Variants in DOCK1 observed in about 807,000 individuals in gnomAD.
DOCK1 encodes the protein dedicator of cytokinesis protein 1.
In DOCK1, 138 loss-of-function variants were observed where a neutral mutation model predicts 262.7. That is an observed-to-expected ratio of 0.53 (90% CI 0.46 to 0.61). DOCK1 has a LOEUF of 0.61. Among genes scored for constraint, DOCK1 ranks in the 20% least tolerant of loss-of-function variants. The pLI is 0.00. For missense variants in DOCK1, 1,908 were observed against 2,370.7 expected (o/e 0.80, Z 4.05); for synonymous variants, 866 against 867.4 (o/e 1.00, Z 0.03).
chr10:127,154,019 A>C (rs1215386024), intron 27 of DOCK1: 5 of 829,170 alleles, frequency 6.0e-6, no homozygotes, highest in Non-Finnish European at 1.0e-5. Flanking sequence ...CCCAATGCCA[A>C]GCTCATCATG....
At chr10:127,316,188 A>G (rs1209761896) in intron 29 of DOCK1, among the ~76,000 whole-genome samples, 1 of 152,132 alleles carries the variant, frequency 6.6e-6, no homozygotes, top group East Asian at 1.9e-4. Context: ...AAATTTACTC[A>G]CGTAGCAAAT....
chr10:126,928,239 C>T (rs1310319225), intron 1 of DOCK1, among the ~76,000 whole-genome samples: 2 of 152,180 alleles, frequency 1.3e-5, no homozygotes, highest in Admixed American at 6.5e-5. Flanking sequence ...AGCATGAGCT[C>T]GTGGGACCCA....
chr10:127,404,439 G>A lies in DOCK1; in HGVS notation c.4122+10G>A. 1 of 1,610,456 alleles carries A rather than the reference G, an allele frequency of 6.2e-7. No homozygotes were observed. The highest frequency in any genetic ancestry group is 2.2e-5 in the East Asian group (1 of 44,818). ...CCCCACATTCCTGCGGGTAAAGTTT[G>A]GTTCTGCCTAATCTGAGCCATGATT... On this transcript the variant is annotated intron_variant, in intron 40 of 51. Coordinates refer to ENST00000623213, the MANE Select transcript of DOCK1 (RefSeq NM_001290223.2).
At chr10:127,199,804 G>T (rs1426547475) in intron 27 of DOCK1, among the ~76,000 whole-genome samples, 3 of 152,192 alleles carry the variant, frequency 2.0e-5, no homozygotes, top group Non-Finnish European at 4.4e-5. Context: ...TCCTGTCTCA[G>T]TGTGACCTCA....
rs546225389 is a variant in DOCK1, at chr10:127,380,211, G to A, written c.3716+89G>A. 120 of 1,058,342 alleles carry A rather than the reference G, an allele frequency of 1.1e-4. No homozygotes were observed. In the African/African-American group the frequency reaches 1.6e-3, roughly 14 times the overall value. The allele number at this position is 1,058,342 out of a possible 1,614,324, so 65.6% of individuals were successfully genotyped here. A position where few individuals can be genotyped will look rare whatever the true frequency, so the allele number is the denominator to read the frequency against. ...GTATGCTAAGAAATGTGTTATAGCC[G>A]CAAAGGTTTATTTTGTAGAAAATTG... On this transcript the variant is annotated intron_variant, in intron 36 of 51. Transcript: ENST00000623213.
chr10:127,409,923 T>A (rs990146677), intron 42 of DOCK1, among the ~76,000 whole-genome samples: 1 of 152,184 alleles, frequency 6.6e-6, no homozygotes, highest in Non-Finnish European at 1.5e-5. Flanking sequence ...GAGTCAACTG[T>A]CCATATTTGA....
intron 25 of DOCK1, among the ~76,000 whole-genome samples, chr10:127,115,321 T>C (rs765410531): frequency 1.3e-5 from 2 of 152,170 alleles, no homozygotes; most frequent in Non-Finnish European, 2.9e-5. Flanking sequence ...GGGCAGTGTG[T>C]GTGAGAGTCA....
At chr10:127,260,493 C>G (rs1284695989) in intron 29 of DOCK1, among the ~76,000 whole-genome samples, 1 of 152,202 alleles carries the variant, frequency 6.6e-6, no homozygotes, top group Non-Finnish European at 1.5e-5. Flanking sequence ...ACCTTCTAAT[C>G]AAGGATTCCA....
rs189445897 is a variant in DOCK1, at chr10:127,008,872, C to T, written c.1058+68C>T. ...GAAAACATAGGCTTGTAATAATTAT[C>T]TTTATAATTAAATGGATAAACATAA... On this transcript the variant is annotated intron_variant, in intron 11 of 51. Coordinates refer to ENST00000623213, the MANE Select transcript of DOCK1 (RefSeq NM_001290223.2). The T allele has an allele frequency of 3.1e-6, 4 of 1,290,058 alleles. No individual in the cohort carries two copies. In the Admixed American group the frequency reaches 9.4e-5, roughly 30 times the overall value. 79.9% of individuals were successfully genotyped at this position (1,290,058 alleles called of 1,614,324 possible).
intron 13 of DOCK1, among the ~76,000 whole-genome samples, chr10:127,021,112 C>T (rs993231217): frequency 6.6e-6 from 1 of 152,150 alleles, no homozygotes; most frequent in Non-Finnish European, 1.5e-5. Context: ...GTGGGGTTTG[C>T]TTACTGTAAA....
chr10:127,255,063 A>G (rs2134910910), intron 28 of DOCK1, among the ~76,000 whole-genome samples: 1 of 152,334 alleles, frequency 6.6e-6, no homozygotes, highest in East Asian at 1.9e-4. Flanking sequence ...GGCTGCTATT[A>G]GAGCAGCCTG....
chr10:127,165,663 C>G (rs1364872452), intron 27 of DOCK1, among the ~76,000 whole-genome samples: 1 of 152,048 alleles, frequency 6.6e-6, no homozygotes, highest in Non-Finnish European at 1.5e-5. Context: ...AAGGAAGAGC[C>G]AGACAGGCAT....
At chr10:127,412,641 G>C (rs537170242) in intron 43 of DOCK1, among the ~76,000 whole-genome samples, 2 of 152,262 alleles carry the variant, frequency 1.3e-5, no homozygotes, top group South Asian at 4.1e-4. Flanking sequence ...AGCAAAGCTC[G>C]GAACCCTTCC....
At chr10:127,280,034 A>ATATATATATATATATATAT (rs1554939125) in intron 29 of DOCK1, among the ~76,000 whole-genome samples, 12 of 91,432 alleles carry the variant, frequency 1.3e-4, no homozygotes, top group Non-Finnish European at 1.8e-4. Flanking sequence ...ATATATATAT[A>ATATATATATATATATATAT]ATTTTTTTTT....
intron 6 of DOCK1, 144 bp from the exon 7 acceptor site, chr10:126,996,604 A>C (rs1304348365): frequency 1.4e-6 from 1 of 709,732 alleles, no homozygotes; most frequent in Admixed American, 3.3e-5. Context: ...AGCAGCCTCC[A>C]AGAATTTTAT....
In DOCK1 at chr10:127,070,950, C is replaced by G. The variant is rs570120320; in HGVS notation, c.2445+9174C>G. 3.8e-3 allele frequency among the ~76,000 whole-genome samples: 584 copies of G among 152,174 alleles called. 1 individual carries two copies. The highest frequency in any genetic ancestry group is 5.7e-3 in the Non-Finnish European group (391 of 68,006). On this transcript the variant is annotated intron_variant, in intron 23 of 51. Coordinates refer to ENST00000623213, the MANE Select transcript of DOCK1 (RefSeq NM_001290223.2). ...GTAGGGCACCTGGTCTCAGTTCTTGCAGCCTTCAAGGCTGGCTTCATTCAG... is the reference window on the plus strand; with the variant it reads ...GTAGGGCACCTGGTCTCAGTTCTTGGAGCCTTCAAGGCTGGCTTCATTCAG...
intron 1 of DOCK1, among the ~76,000 whole-genome samples, chr10:126,963,612 TCC>T (rs2037407563): frequency 1.6e-5 from 1 of 61,904 alleles, no homozygotes; most frequent in Non-Finnish European, 2.8e-5. Context: ...TCCCTTCCCT[TCC>T]CTTCCCTTCC....
intron 27 of DOCK1, 36 bp downstream of exon 27, chr10:127,127,800 T>TGG: frequency 6.4e-7 from 1 of 1,570,888 alleles, no homozygotes; most frequent in Non-Finnish European, 8.7e-7. Flanking sequence ...GATATTTAAC[T>TGG]GGGGCTGACA....
Position 127,250,969 on chromosome 10 carries a change from A to AT in DOCK1, c.2949+2870dup, listed in dbSNP as rs1324365628. On this transcript the variant is annotated intron_variant, in intron 28 of 51. Transcript: ENST00000623213. ...TGACTGTTTTTCAACTCTGACAACG[A>AT]TTTTTTTTTTGAGACAGAGTTTCAC... Among the ~76,000 whole-genome samples the AT allele has an allele frequency of 8.9e-4, 133 of 149,440 alleles. 2 individuals carry two copies. The highest frequency in any genetic ancestry group is 3.4e-3 in the Middle Eastern group (1 of 290).
Sources: allele counts gnomAD v4.1 joint callset (sites outside exome capture counted in the v4.1 genomes callset), GRCh38; gene constraint gnomAD v4.1.1; transcripts MANE v1.5; gene names NCBI Gene and HGNC (gene_info 2026-07-23, HGNC 2026-07-21).